Variants in KLRG1 observed in about 807,000 individuals in gnomAD.
KLRG1 encodes the protein killer cell lectin-like receptor subfamily G member 1.
Under a neutral mutation model 21.8 loss-of-function variants are expected in KLRG1, and 16 were observed. The ratio of observed to expected loss-of-function variants is 0.73; its 90% CI spans 0.50 to 1.11. KLRG1 has a LOEUF of 1.11. Ranked by LOEUF, KLRG1 falls within the 50% of genes most tolerant of loss-of-function variation. KLRG1 has a pLI of 0.00. For synonymous variants in KLRG1, 69 were observed against 75.9 expected (o/e 0.91, Z 0.47); for missense variants, 173 against 218.3 (o/e 0.79, Z 1.31).
the KLRG1 span, among the ~76,000 whole-genome samples, chr12:9,214,145 G>T: frequency 6.6e-6 from 1 of 151,886 alleles, no homozygotes; most frequent in Non-Finnish European, 1.5e-5. Flanking sequence ...GACCAAAAAT[G>T]TGTGGATTTA....
At chr12:9,097,632 CTT>C in the KLRG1 span, among the ~76,000 whole-genome samples, 156 of 127,068 alleles carry the variant, frequency 1.2e-3, no homozygotes, top group Middle Eastern at 4.3e-3. Flanking sequence ...TGATGTAATT[CTT>C]TTTTTTTTTT....
At chr12:8,960,867 T>C (rs1946370231) in intron 1 of KLRG1, among the ~76,000 whole-genome samples, 1 of 152,202 alleles carries the variant, frequency 6.6e-6, no homozygotes, top group Admixed American at 6.5e-5. Context: ...AGGTCTCCTC[T>C]CATTTGACCC....
At chr12:9,204,624 C>A in the KLRG1 span, among the ~76,000 whole-genome samples, 1 of 152,110 alleles carries the variant, frequency 6.6e-6, no homozygotes, top group African/African-American at 2.4e-5. Flanking sequence ...TTTACATGCA[C>A]AACTCCCTGC....
the KLRG1 span, chr12:9,157,196 C>T: frequency 1.6e-5 from 26 of 1,613,566 alleles, no homozygotes; most frequent in Non-Finnish European, 2.2e-5. Flanking sequence ...GCTTCCTTAT[C>T]AAGTGAGTTC....
At chr12:9,157,205 T>C in the KLRG1 span, 1 of 1,614,042 alleles carries the variant, frequency 6.2e-7, no homozygotes, top group South Asian at 1.1e-5. Context: ...TCAAGTGAGT[T>C]CAGTATTTCT....
intron 1 of KLRG1, among the ~76,000 whole-genome samples, chr12:8,962,795 C>A (rs1186184815): frequency 4.0e-5 from 6 of 151,568 alleles, no homozygotes; most frequent in Non-Finnish European, 8.8e-5. Context: ...CAGAAGATAC[C>A]TCCCCCAACC....
At chr12:9,033,078 A>G in the KLRG1 span, among the ~76,000 whole-genome samples, 1 of 152,188 alleles carries the variant, frequency 6.6e-6, no homozygotes, top group Non-Finnish European at 1.5e-5. Context: ...TGCAGAGGGC[A>G]GGAAGAAACT....
the KLRG1 span, among the ~76,000 whole-genome samples, chr12:9,129,219 C>G: frequency 2.0e-5 from 1 of 50,162 alleles, no homozygotes; most frequent in Non-Finnish European, 4.9e-5. Flanking sequence ...TAATTTGGTG[C>G]TAAATATAAA....
the KLRG1 span, among the ~76,000 whole-genome samples, chr12:9,138,421 A>G: frequency 1.3e-5 from 2 of 151,670 alleles, no homozygotes; most frequent in African/African-American, 4.8e-5. Context: ...TATTTTTAAA[A>G]TATTTTTTGC....
intron 3 of KLRG1, among the ~76,000 whole-genome samples, chr12:9,001,454 C>G (rs895923651): frequency 2.6e-5 from 4 of 152,172 alleles, no homozygotes; most frequent in Admixed American, 2.0e-4. Context: ...AGGCTCTACC[C>G]AAACCCCAGC....
At chr12:9,025,410 G>A in the KLRG1 span, among the ~76,000 whole-genome samples, 2 of 152,184 alleles carry the variant, frequency 1.3e-5, no homozygotes, top group East Asian at 3.9e-4. Context: ...GCCGAGGCAG[G>A]CAGATCACTT....
chr12:9,138,281 T>A, the KLRG1 span, among the ~76,000 whole-genome samples: 1 of 151,808 alleles, frequency 6.6e-6, no homozygotes, highest in South Asian at 2.1e-4. Context: ...ATTATGTGAT[T>A]TTTTTTCCCT....
At chr12:9,156,661 A>G in the KLRG1 span, among the ~76,000 whole-genome samples, 1 of 152,228 alleles carries the variant, frequency 6.6e-6, no homozygotes, top group Admixed American at 6.5e-5. Flanking sequence ...ATTTATCTGC[A>G]GCATTATGTC....
At chr12:9,196,310 T>G in the KLRG1 span, 4 of 1,540,540 alleles carry the variant, frequency 2.6e-6, no homozygotes, top group South Asian at 4.5e-5. Context: ...TGCTTACCTG[T>G]GCATTACAAC....
the KLRG1 span, among the ~76,000 whole-genome samples, chr12:9,143,591 G>A: frequency 1.3e-5 from 2 of 152,138 alleles, no homozygotes; most frequent in South Asian, 2.1e-4. Flanking sequence ...ATCTTAGGTA[G>A]AAGAAAGCCT....
chr12:9,129,750 G>C, the KLRG1 span, among the ~76,000 whole-genome samples: 1 of 152,040 alleles, frequency 6.6e-6, no homozygotes, highest in Non-Finnish European at 1.5e-5. Context: ...GGATTTCACC[G>C]TGTTAGCCAG....
the KLRG1 span, among the ~76,000 whole-genome samples, chr12:9,140,930 G>A: frequency 7.9e-5 from 12 of 152,230 alleles, no homozygotes; most frequent in Non-Finnish European, 2.9e-5. Context: ...TTCAAATCAT[G>A]TTCTGTTACA....
the KLRG1 span, chr12:9,163,592 G>A: frequency 6.7e-7 from 1 of 1,490,836 alleles, no homozygotes; most frequent in Non-Finnish European, 9.2e-7. Context: ...TGATATTAAT[G>A]GTTCTTTGTT....
At chr12:9,077,820 G>A in the KLRG1 span, 4 of 1,614,016 alleles carry the variant, frequency 2.5e-6, no homozygotes, top group African/African-American at 1.3e-5. Flanking sequence ...ATGTAGGCTC[G>A]AGCTTGGGCA....
Sources: gnomAD v4.1 joint callset for allele counts (sites outside exome capture counted in the v4.1 genomes callset) on GRCh38, gnomAD v4.1.1 for gene constraint, MANE v1.5 for transcripts, NCBI Gene and HGNC (gene_info 2026-07-23, HGNC 2026-07-21) for gene names.